The following SGMS1 variants were observed in gnomAD, a reference collection of about 807,000 sequenced individuals.
SGMS1 encodes the protein sphingomyelin synthase 1.
A neutral mutation model predicts 46.2 loss-of-function variants in SGMS1; 13 were observed. The ratio of observed to expected loss-of-function variants is 0.28; its 90% CI spans 0.18 to 0.45. The LOEUF (loss-of-function observed/expected upper bound fraction) is 0.45, where lower values mean the gene tolerates loss of function less well. SGMS1 is among the 20% of genes least tolerant of loss of function. SGMS1 has a pLI of 1.00. For synonymous variants in SGMS1, 203 were observed against 187.8 expected, an observed-to-expected ratio of 1.08 and a Z score of -0.66; for missense variants, 324 against 519.9, an observed-to-expected ratio of 0.62 and a Z score of 3.66.
chr10:50,373,602 T>C lies in SGMS1; in HGVS notation c.-231-29257A>G, dbSNP rs142811665. On this transcript the variant is annotated intron_variant, in intron 6 of 10. Coordinates refer to ENST00000361781, the MANE Select transcript of SGMS1 (RefSeq NM_147156.4). ...TCAAATGTCACAGGTTACTTCAGTA[T>C]AAAAGACAAATAAGGAACAAGGAAA... Among the ~76,000 whole-genome samples the C allele has an allele frequency of 2.6e-3, 394 of 152,218 alleles. 2 individuals carry two copies. Among genetic ancestry groups the C allele is most frequent in the African/African-American group, 9.2e-3 (383 of 41,530 alleles).
At chr10:50,450,710 G>T (rs2133660216) in intron 5 of SGMS1, among the ~76,000 whole-genome samples, 1 of 151,852 alleles carries the variant, frequency 6.6e-6, no homozygotes, top group Admixed American at 6.6e-5. Context: ...AGTGACCCAA[G>T]ATTAAAAAAC....
chr10:50,570,654 C>A (rs539225499), intron 2 of SGMS1, among the ~76,000 whole-genome samples: 1 of 152,292 alleles, frequency 6.6e-6, no homozygotes, highest in African/African-American at 2.4e-5. Context: ...AAGGGTAGAG[C>A]CACGCAAAGT....
chr10:50,373,450 C>A (rs1848473508), intron 6 of SGMS1, among the ~76,000 whole-genome samples: 1 of 152,106 alleles, frequency 6.6e-6, no homozygotes, highest in African/African-American at 2.4e-5. Context: ...GATGAAAAGT[C>A]AGTTTCATAT....
intron 2 of SGMS1, among the ~76,000 whole-genome samples, chr10:50,534,284 T>A (rs1437734955): frequency 6.6e-6 from 1 of 152,196 alleles, no homozygotes; most frequent in African/African-American, 2.4e-5. Context: ...ATCATTTGCA[T>A]AACTAAAAAG....
rs1847191572 is a variant in SGMS1, at chr10:50,307,179, C to T, written c.1205G>A (p.Arg402Lys). The change falls in exon 11 of 11, where the codon AGG (arginine) becomes AAG (lysine). Residue 402 changes from arginine to lysine, a missense_variant. By Grantham distance (26) the Arg-to-Lys change is conservative. This residue lies in a region of SGMS1 where 174 missense variants were observed against 350.1 expected (regional missense o/e 0.50). Transcript: ENST00000361781. The surrounding 1 kb of genome is among the most constrained non-coding windows in gnomAD (Gnocchi z 4.2). ...PFPWPVVHLS[R>K]QVKYSRLVND... ...CACCAGCCGGCTGTATTTAACTTGC[C>T]TACTGAGGTGGACTACTGGCCAGGG... The T allele has an allele frequency of 6.2e-7, 1 of 1,614,080 alleles. No homozygotes were observed. Among genetic ancestry groups the T allele is most frequent in the Non-Finnish European group, 8.5e-7 (1 of 1,179,996 alleles).
At chr10:50,460,558 C>T (rs1837251542) in intron 5 of SGMS1, 115 bp downstream of exon 5, 1 of 152,152 alleles carries the variant, frequency 6.6e-6, no homozygotes, top group Admixed American at 6.5e-5. Context: ...AGAGTTCTGT[C>T]CTATGAACAG....
chr10:50,599,547 A>C (rs958316891), intron 1 of SGMS1, among the ~76,000 whole-genome samples: 5 of 152,178 alleles, frequency 3.3e-5, no homozygotes, highest in Admixed American at 2.0e-4. Context: ...TTGCATTAAC[A>C]GAATGGGATG....
chr10:50,481,522 C>A (rs1056583864), intron 3 of SGMS1, among the ~76,000 whole-genome samples: 2 of 152,092 alleles, frequency 1.3e-5, no homozygotes, highest in African/African-American at 4.8e-5. Context: ...CCCACAAAAC[C>A]CTATCCAAAG....
chr10:50,471,232 C>T (rs186632049), intron 3 of SGMS1, among the ~76,000 whole-genome samples: 163 of 152,268 alleles, frequency 1.1e-3, no homozygotes, highest in African/African-American at 3.8e-3. Context: ...AGTGCCTTTG[C>T]TTAATGCTGC....
chr10:50,566,991 G>A (rs550756424), intron 2 of SGMS1, among the ~76,000 whole-genome samples: 2 of 152,174 alleles, frequency 1.3e-5, no homozygotes, highest in South Asian at 4.2e-4. Flanking sequence ...CTGTTGCCTG[G>A]GCTGGAGGGC....
At chr10:50,625,031 C>A, upstream of SGMS1, 1 of 1,003,862 alleles carries the variant, frequency 1.0e-6, no homozygotes. Flanking sequence ...GCCACGCCCT[C>A]CCATCGGGCT....
chr10:50,575,600 G>A (rs532828192), intron 2 of SGMS1, among the ~76,000 whole-genome samples: 4 of 151,734 alleles, frequency 2.6e-5, no homozygotes, highest in South Asian at 2.1e-4. Flanking sequence ...TCTTACCCCC[G>A]TCACCCTCCT....
intron 1 of SGMS1, among the ~76,000 whole-genome samples, chr10:50,614,022 TC>T (rs1838774119): frequency 6.6e-6 from 1 of 152,174 alleles, no homozygotes; most frequent in South Asian, 2.1e-4. Context: ...CTTCTGCCTC[TC>T]CACTGTCAGG....
chr10:50,516,016 CA>C (rs1383821575), intron 3 of SGMS1, among the ~76,000 whole-genome samples: 1 of 152,214 alleles, frequency 6.6e-6, no homozygotes, highest in African/African-American at 2.4e-5. Context: ...CTGTAATCTA[CA>C]AAGCAAAGAG....
chr10:50,373,724 G>C (rs181596217), intron 6 of SGMS1, among the ~76,000 whole-genome samples: 3 of 152,208 alleles, frequency 2.0e-5, no homozygotes, highest in Admixed American at 2.0e-4. Context: ...ATACCACATT[G>C]GGAGAAAAAG....
In SGMS1 at chr10:50,473,160, T is replaced by A. The variant is rs1837393373; in HGVS notation, c.-497-6228A>T. 2.6e-5 allele frequency among the ~76,000 whole-genome samples: 4 copies of A among 151,810 alleles called. 1 individual carries two copies. In the Middle Eastern group the frequency reaches 0.01, roughly 387 times the overall value. ...AAAACTGTTAATGCTTAAAAAAAAA[T>A]AGTTCTCTACACTGTGTTTAATCTA... On this transcript the variant is annotated intron_variant, in intron 3 of 10. Coordinates refer to ENST00000361781, the MANE Select transcript of SGMS1 (RefSeq NM_147156.4).
At chr10:50,616,873 C>CT (rs1407976694) in intron 1 of SGMS1, among the ~76,000 whole-genome samples, 1 of 152,136 alleles carries the variant, frequency 6.6e-6, no homozygotes, top group Non-Finnish European at 1.5e-5. Flanking sequence ...GACAGAAAAT[C>CT]TTACAATATT....
In SGMS1 at chr10:50,344,207, G is replaced by T; in HGVS notation, c.-93C>A. 6.8e-7 allele frequency: 1 copy of T among 1,480,048 alleles called. No homozygotes were observed. The highest frequency in any genetic ancestry group is 1.4e-5 in the African/African-American group (1 of 71,360). 91.7% of individuals were successfully genotyped at this position (1,480,048 alleles called of 1,614,324 possible). On this transcript the variant is annotated 5_prime_UTR_variant, in exon 7 of 11. Transcript: ENST00000361781. ...GCAGGACACTGTCCTGCCTCGGCTC[G>T]TTCATCCTGTGGGGCCTCATGAGCA... is the stretch of plus-strand genomic sequence containing the variant.
chr10:50,356,970 T>C (rs868423369), intron 6 of SGMS1, among the ~76,000 whole-genome samples: 1 of 151,880 alleles, frequency 6.6e-6, no homozygotes, highest in East Asian at 1.9e-4. Flanking sequence ...TAATGCTAAA[T>C]GACGAGTTAA....
Sources: gnomAD v4.1 joint callset for allele counts (sites outside exome capture counted in the v4.1 genomes callset) on GRCh38, gnomAD v4.1.1 for gene constraint, gnomAD v4.1.1 regional missense constraint, Gnocchi (gnomAD v3.1) non-coding constraint, MANE v1.5 for transcripts, NCBI Gene and HGNC (gene_info 2026-07-23, HGNC 2026-07-21) for gene names.